Variants in WT1 observed in about 807,000 individuals in gnomAD.
WT1 encodes Wilms tumor protein.
In WT1, 8 loss-of-function variants were observed where a neutral mutation model predicts 60.8. The ratio of observed to expected loss-of-function variants is 0.13; its 90% CI spans 0.08 to 0.24. The LOEUF (loss-of-function observed/expected upper bound fraction) is 0.24, where lower values mean the gene tolerates loss of function less well. WT1 is among the 10% of genes least tolerant of loss of function. The pLI is 1.00. For synonymous variants in WT1, 312 were observed against 297.1 expected, an observed-to-expected ratio of 1.05 and a Z score of -0.52; for missense variants, 568 against 711.8, an observed-to-expected ratio of 0.80 and a Z score of 2.30.
At chr11:32,398,209 A>C (rs1479909951) in intron 6 of WT1, among the ~76,000 whole-genome samples, 1 of 152,196 alleles carries the variant, frequency 6.6e-6, no homozygotes, top group Non-Finnish European at 1.5e-5. Context: ...TGGAAACATT[A>C]ATCAGAACAT....
chr11:32,393,131 A>G (rs139829028), intron 7 of WT1, among the ~76,000 whole-genome samples: 70 of 152,386 alleles, frequency 4.6e-4, no homozygotes, highest in African/African-American at 1.7e-3. Flanking sequence ...AATAAAAAAC[A>G]AAATCTTTAA....
At chr11:32,394,220 G>C (rs1191337131) in intron 7 of WT1, among the ~76,000 whole-genome samples, 2 of 152,090 alleles carry the variant, frequency 1.3e-5, no homozygotes, top group Non-Finnish European at 2.9e-5. Context: ...ATCCAGGTTG[G>C]TGCCTTATGT....
chr11:32,392,968 C>T (rs1023796339), intron 7 of WT1, among the ~76,000 whole-genome samples: 2 of 145,798 alleles, frequency 1.4e-5, no homozygotes, highest in African/African-American at 5.3e-5. Flanking sequence ...TCTAGCTCTG[C>T]CATTAAAAAA....
intron 9 of WT1, among the ~76,000 whole-genome samples, 191 bp from the exon 10 acceptor site, chr11:32,389,370 C>A (rs1008859929): frequency 2.6e-5 from 4 of 151,992 alleles, no homozygotes; most frequent in Non-Finnish European, 5.9e-5. Flanking sequence ...CTTTAAGGAT[C>A]GAAATATTGT....
rs778937284 is a variant in WT1, at chr11:32,434,934, A to T, written c.427T>A (p.Ser143Thr). ...CAGCTCGGCTCCTGTTTGATGAAGG[A>T]GTGAGGCGGCGGCGGCGGGGGTGGC... The change falls in exon 1 of 10, where the codon TCC becomes ACC. Residue 143 changes from serine (S) to threonine (T), a missense_variant. This residue lies in a region of WT1 where 523 missense variants were observed against 565.1 expected (regional missense o/e 0.93). Transcript: ENST00000452863. The T allele has an allele frequency of 6.3e-7, 1 of 1,595,772 alleles. No individual in the cohort carries two copies. Among genetic ancestry groups the T allele is most frequent in the Non-Finnish European group, 8.5e-7 (1 of 1,173,138 alleles).
At chr11:32,403,188 G>T (rs1291367324) in intron 5 of WT1, among the ~76,000 whole-genome samples, 1 of 151,868 alleles carries the variant, frequency 6.6e-6, no homozygotes, top group Non-Finnish European at 1.5e-5. Context: ...CGCCTATGGG[G>T]ACTTGGGTCT....
chr11:32,416,573 T>G, intron 4 of WT1, 33 bp from the exon 5 acceptor site: 1 of 1,613,792 alleles, frequency 6.2e-7, no homozygotes, highest in African/African-American at 1.3e-5. Flanking sequence ...GAGTGGGGAA[T>G]GGAGCATGCA....
rs537329306 is a variant in WT1 at position 32,388,680 on chromosome 11, T to C, written c.*378A>G. 2.7e-6 allele frequency: 1 copy of C among 363,972 alleles called. No homozygotes were observed. The highest frequency in any genetic ancestry group is 2.0e-5 in the African/African-American group (1 of 50,064). 22.5% of individuals were successfully genotyped at this position (363,972 alleles called of 1,614,324 possible). ...CATGCCCTGGCCTATAAATATTCCA[T>C]GATAGAAAATGGTACAATAATTCCA... On this transcript the variant is annotated 3_prime_UTR_variant, in exon 10 of 10. Coordinates refer to ENST00000452863, the MANE Select transcript of WT1 (RefSeq NM_024426.6).
intron 2 of WT1, 123 bp downstream of exon 2, chr11:32,428,374 G>T: frequency 6.6e-7 from 1 of 1,520,820 alleles, no homozygotes; most frequent in East Asian, 2.4e-5. Context: ...TTGGGGTAAT[G>T]ATTTCTAAGG....
intron 5 of WT1, among the ~76,000 whole-genome samples, chr11:32,400,966 T>C (rs528760959): frequency 2.6e-5 from 4 of 152,276 alleles, no homozygotes; most frequent in Admixed American, 2.6e-4. Flanking sequence ...AGGTTAGACA[T>C]AAAGTTAACA....
rs1852550332 is a variant in WT1, at chr11:32,412,970, C to G, written c.1016+3520G>C. ...CATCTGCCCATGTTCTTTATAAAATCCTATCCCCACCCATTGTAACACTGC... is the reference window on the plus strand; with the variant it reads ...CATCTGCCCATGTTCTTTATAAAATGCTATCCCCACCCATTGTAACACTGC... On this transcript the variant is annotated intron_variant, in intron 5 of 9. Coordinates refer to ENST00000452863, the MANE Select transcript of WT1 (RefSeq NM_024426.6). Among the ~76,000 whole-genome samples the G allele has an allele frequency of 2.0e-5, 3 of 152,094 alleles. No homozygotes were observed. In the South Asian group the frequency reaches 6.2e-4, roughly 32 times the overall value.
At chr11:32,397,068 G>A (rs5030271) in intron 6 of WT1, among the ~76,000 whole-genome samples, 166 of 152,332 alleles carry the variant, frequency 1.1e-3, no homozygotes, top group Middle Eastern at 3.4e-3. Context: ...CTCTGCACAC[G>A]TCCTTTGCAG....
At chr11:32,400,129 T>C (rs1852109056) in intron 5 of WT1, 85 bp from the exon 6 acceptor site, 1 of 1,505,740 alleles carries the variant, frequency 6.6e-7, no homozygotes, top group Non-Finnish European at 9.1e-7. Flanking sequence ...GAGGGAATGA[T>C]GGTTTTTAAA....
intron 1 of WT1, 80 bp from the exon 2 acceptor site, chr11:32,428,699 G>GC: frequency 1.5e-6 from 2 of 1,370,584 alleles, no homozygotes; most frequent in South Asian, 1.4e-5. Context: ...AGCCACGGGC[G>GC]GGGGGGGTGT....
rs5030296 is a variant in WT1, at chr11:32,391,277, C to T, written c.1447+695G>A. Among the ~76,000 whole-genome samples, 1,172 of 152,292 alleles carry T rather than the reference C, an allele frequency of 7.7e-3. 12 individuals are homozygous for T. Among genetic ancestry groups the T allele is most frequent in the African/African-American group, 0.026 (1,061 of 41,560 alleles). On this transcript the variant is annotated intron_variant, in intron 9 of 9. Transcript: ENST00000452863. ...GATTACAGGCATGAGCCACCACAGC[C>T]GGTCCTACCTTACTCTACTTACAAG... is the stretch of plus-strand genomic sequence containing the variant.
At chr11:32,412,369 C>T (rs550212585) in intron 5 of WT1, among the ~76,000 whole-genome samples, 1 of 152,238 alleles carries the variant, frequency 6.6e-6, no homozygotes, top group South Asian at 2.1e-4. Flanking sequence ...AGCAAAGGGA[C>T]ATTCATTTTG....
intron 3 of WT1, among the ~76,000 whole-genome samples, chr11:32,418,050 A>G (rs1179506254): frequency 6.6e-6 from 1 of 152,088 alleles, no homozygotes; most frequent in African/African-American, 2.4e-5. Flanking sequence ...ATTATTCGTG[A>G]AAAGGCCATT....
At chr11:32,433,987 T>A (rs890493973) in intron 1 of WT1, among the ~76,000 whole-genome samples, 1 of 152,222 alleles carries the variant, frequency 6.6e-6, no homozygotes, top group African/African-American at 2.4e-5. Context: ...TGGACTCGGA[T>A]AAGTCAAGTT....
chr11:32,388,713 C>A lies in WT1; in HGVS notation c.*345G>T, dbSNP rs5030318. On this transcript the variant is annotated 3_prime_UTR_variant, in exon 10 of 10. Transcript: ENST00000452863. ...AATGGTACAATAATTCCATCCCCAG[C>A]GAAAACGAGCATAAAAAAAGAAGGG... 4 of 388,076 alleles carry A rather than the reference C, an allele frequency of 1.0e-5. No individual in the cohort carries two copies. Among genetic ancestry groups the A allele is most frequent in the African/African-American group, 5.9e-5 (3 of 50,492 alleles). The allele number at this position is 388,076 out of a possible 1,614,324, so 24.0% of individuals were successfully genotyped here.
Sources: allele counts gnomAD v4.1 joint callset (sites outside exome capture counted in the v4.1 genomes callset), GRCh38; gene constraint gnomAD v4.1.1; regional missense constraint gnomAD v4.1.1; transcripts MANE v1.5; gene names NCBI Gene and HGNC (gene_info 2026-07-23, HGNC 2026-07-21).